PIEZO1: variants seen among roughly 807,000 people sequenced by gnomAD.
The protein encoded by PIEZO1 is piezo-type mechanosensitive ion channel component 1.
PIEZO1 carries 296 observed loss-of-function variants against 297.2 expected under a neutral mutation model. The observed-to-expected ratio is 1.00, with a 90% CI of 0.91 to 1.10. The LOEUF (loss-of-function observed/expected upper bound fraction) is 1.10, where lower values mean the gene tolerates loss of function less well. Ranked by LOEUF, PIEZO1 falls within the 50% of genes least tolerant of loss-of-function variation. The pLI is 0.00. For missense variants in PIEZO1, 5,018 were observed against 3,455.5 expected (o/e 1.45, Z -11.34); for synonymous variants, 2,427 against 1,507.5 (o/e 1.61, Z -14.13).
chr16:88,719,840 G>C lies in PIEZO1; in HGVS notation c.6285C>G (p.Thr2095=). 5 of 1,550,568 alleles carry C rather than the reference G, an allele frequency of 3.2e-6. No homozygotes were observed. The highest frequency in any genetic ancestry group is 4.4e-6 in the Non-Finnish European group (5 of 1,146,954). Residue 2095 remains threonine (T), a synonymous_variant, in exon 43 of 51, where the codon ACC becomes ACG. Transcript: ENST00000301015. ...YPTRILGNFL[T]KKYNHLNLFL... ...AGAGGTTGAGATGATTGTACTTCTT[G>C]GTGAGGAAGTTGCCGAGGATGCGGG...
chr16:88,731,763 G>A lies in PIEZO1; in HGVS notation c.3139C>T (p.Leu1047=). The part of the protein sequence containing the change: ...LWPNYCLFLA[L]FLLYQYLLCL... Reference sequence around the variant, plus strand: ...AGCAGGTACTGGTACAGCAGGAACAGCGCCAGGAAGAGGCAGTAGTTGGGC... The same window carrying A: ...AGCAGGTACTGGTACAGCAGGAACAACGCCAGGAAGAGGCAGTAGTTGGGC... Residue 1047 remains leucine, a synonymous_variant, in exon 22 of 51, where the codon CTG becomes TTG. Transcript: ENST00000301015. The A allele has an allele frequency of 3.2e-6, 5 of 1,549,782 alleles. No homozygotes were observed. The highest frequency in any genetic ancestry group is 2.4e-5 in the South Asian group (2 of 84,028).
In PIEZO1 at chr16:88,717,174, ATCT is replaced by A. The variant is rs763477215; in HGVS notation, c.6506_6508del (p.Lys2169del). 907 of 1,549,982 alleles carry A rather than the reference ATCT, an allele frequency of 5.9e-4. 4 individuals carry two copies. Among genetic ancestry groups the A allele is most frequent in the Non-Finnish European group, 2.7e-4 (313 of 1,146,632 alleles). ...GAGGCCACCCATGCCGTACTTGACG[ATCT>A]TCTTCTTCTTCTGCCCTTTGGGCTG... is the stretch of plus-strand genomic sequence containing the variant. On this transcript the variant is annotated inframe_deletion, in exon 45 of 51. Transcript: ENST00000301015.
At chr16:88,735,287 A>T in intron 12 of PIEZO1, 41 bp from the exon 13 acceptor site, 2 of 1,397,650 alleles carry the variant, frequency 1.4e-6, no homozygotes, top group South Asian at 2.5e-5. Context: ...CGGGGGGCCC[A>T]GCACCCCTCC....
rs998611505 is a variant in PIEZO1 at position 88,736,717 on chromosome 16, G to C, written c.1218C>G (p.Pro406=). 9.1e-6 allele frequency: 14 copies of C among 1,531,622 alleles called. No homozygotes were observed. The highest frequency in any genetic ancestry group is 1.2e-5 in the Non-Finnish European group (14 of 1,144,756). 94.9% of individuals were successfully genotyped at this position (1,531,622 alleles called of 1,614,324 possible). A position where few individuals can be genotyped will look rare whatever the true frequency, so the allele number is the denominator to read the frequency against. The change falls in exon 11 of 51, where the codon CCC becomes CCG. Residue 406 remains proline (P), a synonymous_variant. Coordinates refer to ENST00000301015, the MANE Select transcript of PIEZO1 (RefSeq NM_001142864.4). ...GGCTGTGGAGCGGAGACGCCTCCCT[G>C]GGCTCAGCCCGCTTGGGCCGCACTG... ...RRPVRPKRAE[P]REASPLHSLG...
chr16:88,734,522 G>T lies in PIEZO1; in HGVS notation c.2014C>A (p.Leu672Met). 3 of 1,544,370 alleles carry T rather than the reference G, an allele frequency of 1.9e-6. No homozygotes were observed. Among genetic ancestry groups the T allele is most frequent in the Non-Finnish European group, 2.6e-6 (3 of 1,143,482 alleles). ...AGCTCGGACACGCTGAACTGCTCCA[G>T]GCCCAGGTCCCCCAGCCTGTGGAGG... ...FTDEQLGDLG[L>M]EQFSVSELFS... Residue 672 changes from leucine (L) to methionine (M), a missense_variant, in exon 16 of 51, where the codon CTG (leucine) becomes ATG (methionine). Physicochemically the swap from Leu to Met is conservative, Grantham distance 15. Coordinates refer to ENST00000301015, the MANE Select transcript of PIEZO1 (RefSeq NM_001142864.4).
In PIEZO1 at chr16:88,732,633, C is replaced by A. The variant is rs765114227; in HGVS notation, c.2764G>T (p.Gly922Trp). The A allele has an allele frequency of 2.3e-5, 35 of 1,549,508 alleles. 1 individual carries two copies. Among genetic ancestry groups the A allele is most frequent in the Non-Finnish European group, 2.8e-5 (32 of 1,146,474 alleles). Residue 922 changes from glycine (G) to tryptophan (W), a missense_variant, in exon 20 of 51, where the codon GGG becomes TGG. Coordinates refer to ENST00000301015, the MANE Select transcript of PIEZO1 (RefSeq NM_001142864.4). ...TGGATGTAGCCCAGGTTGGGGAACCCTTTCCGCACCCCAAACCAGTTGGCA... is the reference window on the plus strand; with the variant it reads ...TGGATGTAGCCCAGGTTGGGGAACCATTTCCGCACCCCAAACCAGTTGGCA... ...DPANWFGVRKGFPNLGYIQNH... is the reference protein window; with the variant it reads ...DPANWFGVRKWFPNLGYIQNH...
At chr16:88,725,199 C>T (rs779658817) in intron 29 of PIEZO1, 119 bp from the exon 30 acceptor site, 56 of 778,696 alleles carry the variant, frequency 7.2e-5, no homozygotes, top group Non-Finnish European at 9.8e-5. Context: ...CCCACAGTGA[C>T]GGGGGCCGTG....
At chr16:88,716,331 T>G in intron 48 of PIEZO1, 30 bp downstream of exon 48, 2 of 1,507,078 alleles carry the variant, frequency 1.3e-6, no homozygotes, top group Non-Finnish European at 1.8e-6. Flanking sequence ...GGCACAGCCC[T>G]CCTGCCCACC....
intron 17 of PIEZO1, 57 bp from the exon 18 acceptor site, chr16:88,733,802 G>T: frequency 6.8e-7 from 1 of 1,478,372 alleles, no homozygotes; most frequent in Non-Finnish European, 9.0e-7. Flanking sequence ...GGTCCCCTGT[G>T]AGGAAGAGGC....
Position 88,734,557 on chromosome 16 carries a change from A to G in PIEZO1, c.1998-19T>C. The G allele has an allele frequency of 6.5e-7, 1 of 1,542,860 alleles. No individual in the cohort carries two copies. The highest frequency in any genetic ancestry group is 8.8e-7 in the Non-Finnish European group (1 of 1,142,358). Reference sequence around the variant, plus strand: ...CCCCAGCCTGTGGAGGGGCAGCATCAGCACCGGCCCGGCCCCCGGCAGAGC... The same window carrying G: ...CCCCAGCCTGTGGAGGGGCAGCATCGGCACCGGCCCGGCCCCCGGCAGAGC... On this transcript the variant is annotated intron_variant, in intron 15 of 50. Coordinates refer to ENST00000301015, the MANE Select transcript of PIEZO1 (RefSeq NM_001142864.4).
chr16:88,737,804 G>T lies in PIEZO1; in HGVS notation c.1031C>A (p.Ala344Glu), dbSNP rs911683642. 1 of 1,535,740 alleles carries T rather than the reference G, an allele frequency of 6.5e-7. No homozygotes were observed. The highest frequency in any genetic ancestry group is 8.7e-7 in the Non-Finnish European group (1 of 1,146,652). Residue 344 changes from alanine (A) to glutamate (E), a missense_variant, in exon 9 of 51, where the codon GCG (alanine) becomes GAG (glutamate). By Grantham distance (107) the Ala-to-Glu change is moderately radical (BLOSUM62 -1). Transcript: ENST00000301015. ...CTCCCGAGCCTCATACCCCTTTGCC[G>T]CCTCCTTCCTCTGCAGAGACCAGCG... ...AYRPSGQRKEAAKGYEARELE... is the reference protein window; with the variant it reads ...AYRPSGQRKEEAKGYEARELE...
intron 8 of PIEZO1, 41 bp from the exon 9 acceptor site, chr16:88,737,855 C>G (rs1473988561): frequency 1.3e-6 from 2 of 1,533,270 alleles, no homozygotes; most frequent in Non-Finnish European, 1.7e-6. Flanking sequence ...AGCTCCACAC[C>G]CCACCCAGAG....
intron 1 of PIEZO1, among the ~76,000 whole-genome samples, chr16:88,750,964 T>C (rs914968578): frequency 6.6e-6 from 1 of 151,796 alleles, no homozygotes; most frequent in Non-Finnish European, 1.5e-5. Flanking sequence ...CCCTGGCTGC[T>C]GCTCCCACCA....
In PIEZO1 at chr16:88,738,077, G is replaced by C; in HGVS notation, c.877C>G (p.Pro293Ala). 6.5e-7 allele frequency: 1 copy of C among 1,535,838 alleles called. No homozygotes were observed. Among genetic ancestry groups the C allele is most frequent in the Non-Finnish European group, 8.7e-7 (1 of 1,146,852 alleles). ...RVLGLKDFVG[P>A]TNCSSPHALV... ...GCGTGGGGGCTGGAGCAGTTGGTGG[G>C]ACCCACGAAGTCCTTGAGACCCAGC... The change falls in exon 8 of 51, where the codon CCC becomes GCC. Residue 293 changes from proline (P) to alanine (A), a missense_variant. Coordinates refer to ENST00000301015, the MANE Select transcript of PIEZO1 (RefSeq NM_001142864.4).
chr16:88,749,705 C>G (rs1039512546), intron 1 of PIEZO1, among the ~76,000 whole-genome samples: 1 of 152,228 alleles, frequency 6.6e-6, no homozygotes, highest in Non-Finnish European at 1.5e-5. Flanking sequence ...TTTGACCCAT[C>G]TTTCTACCTT....
In PIEZO1 at chr16:88,722,046, A is replaced by C. The variant is rs1187328829; in HGVS notation, c.4976T>G (p.Leu1659Arg). The change falls in exon 37 of 51, where the codon CTG becomes CGG. Residue 1659 changes from leucine (L) to arginine (R), a missense_variant. Leu to Arg is a moderately radical substitution (Grantham distance 102). Coordinates refer to ENST00000301015, the MANE Select transcript of PIEZO1 (RefSeq NM_001142864.4). ...CTCCGCAAACAGCTCTGCCTCCTCC[A>C]GCTCTGGGATGCGCAGGCGCCTACA... ...LLDRRLRIPELEEAELFAEGQ... is the reference protein window; with the variant it reads ...LLDRRLRIPEREEAELFAEGQ... 6.5e-7 allele frequency: 1 copy of C among 1,546,968 alleles called. No individual in the cohort carries two copies. The highest frequency in any genetic ancestry group is 1.4e-5 in the African/African-American group (1 of 72,946).
Position 88,736,326 on chromosome 16 carries a change from T to C in PIEZO1, c.1379A>G (p.His460Arg). The C allele has an allele frequency of 6.5e-7, 1 of 1,550,138 alleles. No individual in the cohort carries two copies. Among genetic ancestry groups the C allele is most frequent in the Non-Finnish European group, 8.7e-7 (1 of 1,146,844 alleles). Residue 460 changes from histidine to arginine, a missense_variant, in exon 12 of 51, where the codon CAC becomes CGC. Physicochemically the swap from His to Arg is conservative, Grantham distance 29 (BLOSUM62 0). Coordinates refer to ENST00000301015, the MANE Select transcript of PIEZO1 (RefSeq NM_001142864.4). ...ACLIWTVRSRHQLAMLCSPCI... is the reference protein window; with the variant it reads ...ACLIWTVRSRRQLAMLCSPCI... ...GGGCGAGCACAGCATGGCCAGTTGG[T>C]GGCGGCTGCGCACCGTCCAGATGAG...
rs1912113717 is a variant in PIEZO1 at position 88,717,220 on chromosome 16, G to C, written c.6472-9C>G. The C allele has an allele frequency of 6.5e-7, 1 of 1,546,130 alleles. No individual in the cohort carries two copies. Among genetic ancestry groups the C allele is most frequent in the African/African-American group, 1.4e-5 (1 of 73,050 alleles). ...TTGGGCTGCGGGTATTTCTGGAGGG[G>C]AACGACACAGGTCATACGCTCAGCT... On this transcript the variant is annotated splice_polypyrimidine_tract_variant and intron_variant, in intron 44 of 50. Transcript: ENST00000301015.
At position 88,733,270 on chromosome 16, in the gene PIEZO1, G is replaced by T. The variant is rs749835002; in HGVS notation, c.2664+8C>A. The T allele has an allele frequency of 6.5e-7, 1 of 1,536,918 alleles. No individual in the cohort carries two copies. Among genetic ancestry groups the T allele is most frequent in the Non-Finnish European group, 8.8e-7 (1 of 1,135,830 alleles). On this transcript the variant is annotated splice_region_variant and intron_variant, in intron 19 of 50. Transcript: ENST00000301015. Reference sequence around the variant, plus strand: ...CTTCCTCCCGTCCCAGCCCTCGGGGGCCGGTACCTCGGTGCAGTTGCTGGA... The same window carrying T: ...CTTCCTCCCGTCCCAGCCCTCGGGGTCCGGTACCTCGGTGCAGTTGCTGGA...
Sources: allele counts gnomAD v4.1 joint callset (sites outside exome capture counted in the v4.1 genomes callset), GRCh38; gene constraint gnomAD v4.1.1; transcripts MANE v1.5; gene names NCBI Gene and HGNC (gene_info 2026-07-23, HGNC 2026-07-21).